The following KCNMA1 variants were observed in gnomAD, a reference collection of about 807,000 sequenced individuals.
KCNMA1 encodes potassium calcium-activated channel subfamily M alpha 1.
Under a neutral mutation model 140.0 loss-of-function variants are expected in KCNMA1, and 29 were observed. The observed-to-expected ratio is 0.21, with a 90% CI of 0.15 to 0.28. The LOEUF (loss-of-function observed/expected upper bound fraction) is 0.28, where lower values mean the gene tolerates loss of function less well. KCNMA1 is among the 10% of genes least tolerant of loss of function. The pLI is 1.00. For synonymous variants in KCNMA1, 612 were observed against 611.9 expected (o/e 1.00, Z 0.00); for missense variants, 880 against 1,602.2 (o/e 0.55, Z 7.70).
intron 1 of KCNMA1, among the ~76,000 whole-genome samples, chr10:77,610,839 G>A (rs1195150953): frequency 2.6e-5 from 4 of 152,110 alleles, no homozygotes; most frequent in African/African-American, 4.8e-5. Context: ...AAAAACTACC[G>A]AACTGTATGT....
chr10:76,912,565 T>C (rs555800076), intron 24 of KCNMA1: 1 of 152,306 alleles, frequency 6.6e-6, no homozygotes, highest in South Asian at 2.1e-4. Flanking sequence ...CCTGAAAGAT[T>C]CTCTGAACAC....
chr10:76,966,237 C>T (rs552792062), intron 20 of KCNMA1, among the ~76,000 whole-genome samples: 61 of 152,320 alleles, frequency 4.0e-4, no homozygotes, highest in African/African-American at 1.3e-3. Context: ...AGTGCACAGA[C>T]TTTTTGGATT....
chr10:77,037,621 T>C (rs1386200755), intron 15 of KCNMA1, among the ~76,000 whole-genome samples: 4 of 152,042 alleles, frequency 2.6e-5, no homozygotes, highest in African/African-American at 4.8e-5. Context: ...TCTTGTTAGA[T>C]ACAAACACCA....
chr10:76,977,338 G>C (rs1435548933), intron 19 of KCNMA1, among the ~76,000 whole-genome samples: 1 of 151,988 alleles, frequency 6.6e-6, no homozygotes, highest in East Asian at 1.9e-4. Context: ...TAAGTCATTG[G>C]GGAAACAAAA....
At chr10:77,295,342 G>T (rs1286282538) in intron 2 of KCNMA1, among the ~76,000 whole-genome samples, 1 of 143,062 alleles carries the variant, frequency 7.0e-6, no homozygotes, top group Non-Finnish European at 1.5e-5. Context: ...AGTGAAACTC[G>T]GTCTCAAAAA....
At chr10:77,233,980 G>T (rs1307497300) in intron 3 of KCNMA1, among the ~76,000 whole-genome samples, 2 of 152,126 alleles carry the variant, frequency 1.3e-5, no homozygotes, top group African/African-American at 4.8e-5. Flanking sequence ...AATGACACTT[G>T]TAACTTTTTT....
At chr10:76,895,827 T>C (rs2042263577) in intron 25 of KCNMA1, among the ~76,000 whole-genome samples, 1 of 152,178 alleles carries the variant, frequency 6.6e-6, no homozygotes, top group African/African-American at 2.4e-5. Flanking sequence ...GGTTCCATGA[T>C]GCCCCCTGAG....
intron 1 of KCNMA1, among the ~76,000 whole-genome samples, chr10:77,442,913 T>A (rs1396341724): frequency 6.6e-6 from 1 of 152,202 alleles, no homozygotes; most frequent in Non-Finnish European, 1.5e-5. Context: ...ACCTGCTGTT[T>A]AATCTCCATC....
chr10:77,261,389 C>T (rs536854927), intron 2 of KCNMA1, among the ~76,000 whole-genome samples: 2 of 152,192 alleles, frequency 1.3e-5, no homozygotes, highest in East Asian at 3.9e-4. Context: ...GCCAATTGCC[C>T]AATCTCTTCC....
intron 3 of KCNMA1, among the ~76,000 whole-genome samples, chr10:77,245,801 G>A (rs976551968): frequency 6.6e-6 from 1 of 152,130 alleles, no homozygotes; most frequent in African/African-American, 2.4e-5. Context: ...ACACCCCTAG[G>A]TGGTGGAAGC....
chr10:77,229,699 G>A (rs1007180876), intron 3 of KCNMA1, among the ~76,000 whole-genome samples: 1 of 152,116 alleles, frequency 6.6e-6, no homozygotes, highest in Non-Finnish European at 1.5e-5. Flanking sequence ...TGAAGCTGCC[G>A]CTGTAGGTGG....
chr10:76,887,689 C>A, intron 27 of KCNMA1, 174 bp from the exon 28 acceptor site: 1 of 709,712 alleles, frequency 1.4e-6, no homozygotes, highest in East Asian at 2.8e-5. Flanking sequence ...TGGAAACTTC[C>A]TCTGTTTAAC....
chr10:77,033,665 C>T (rs2153554791), intron 15 of KCNMA1, among the ~76,000 whole-genome samples: 1 of 152,142 alleles, frequency 6.6e-6, no homozygotes, highest in East Asian at 1.9e-4. Context: ...GAGTCAAAGC[C>T]CAAGCGTCCA....
At chr10:76,947,525 G>A (rs2064489178) in intron 22 of KCNMA1, among the ~76,000 whole-genome samples, 1 of 152,140 alleles carries the variant, frequency 6.6e-6, no homozygotes, top group Non-Finnish European at 1.5e-5. Context: ...ACTTTCAGAG[G>A]TCAGGGGACT....
Position 77,293,384 on chromosome 10 carries a change from T to C in KCNMA1, c.541-42128A>G, listed in dbSNP as rs1231755764. ...GGGGACAACCATAGCTCCTAAAGCA[T>C]GGTTCTGAGGGAGAAACGGTGGTTC... On this transcript the variant is annotated intron_variant, in intron 2 of 27. Coordinates refer to ENST00000286628, the MANE Select transcript of KCNMA1 (RefSeq NM_001161352.2). Among the ~76,000 whole-genome samples, 2 of 152,146 alleles carry C rather than the reference T, an allele frequency of 1.3e-5. 1 individual carries two copies. Among genetic ancestry groups the C allele is most frequent in the South Asian group, 4.1e-4 (2 of 4,820 alleles).
At chr10:76,970,200 A>G (rs2075612752) in intron 19 of KCNMA1, 133 bp from the exon 20 acceptor site, 2 of 748,994 alleles carry the variant, frequency 2.7e-6, no homozygotes, top group Admixed American at 2.0e-5. Flanking sequence ...TTAGGACCCA[A>G]TGACAAAGAC....
chr10:76,997,566 T>C (rs1224175691), intron 19 of KCNMA1, among the ~76,000 whole-genome samples: 1 of 152,232 alleles, frequency 6.6e-6, no homozygotes, highest in Admixed American at 6.5e-5. Flanking sequence ...TAATTTTAAT[T>C]GTCCCTTTCT....
intron 9 of KCNMA1, among the ~76,000 whole-genome samples, chr10:77,095,819 A>C (rs2096917854): frequency 6.6e-6 from 1 of 152,194 alleles, no homozygotes; most frequent in African/African-American, 2.4e-5. Flanking sequence ...TCAATTCCAC[A>C]GGTACACAGG....
At chr10:77,559,838 A>G (rs2065775148) in intron 1 of KCNMA1, among the ~76,000 whole-genome samples, 1 of 152,156 alleles carries the variant, frequency 6.6e-6, no homozygotes, top group African/African-American at 2.4e-5. Context: ...TCACAGCATC[A>G]TAGCATTTAA....
Sources: allele counts gnomAD v4.1 joint callset (sites outside exome capture counted in the v4.1 genomes callset), GRCh38; gene constraint gnomAD v4.1.1; transcripts MANE v1.5; gene names NCBI Gene and HGNC (gene_info 2026-07-23, HGNC 2026-07-21).